Variants in ESR1 observed in about 807,000 individuals in gnomAD.
ESR1 encodes the protein estrogen receptor.
ESR1 carries 12 observed loss-of-function variants against 52.7 expected under a neutral mutation model. The observed-to-expected ratio is 0.23, with a 90% CI of 0.15 to 0.37. The LOEUF is 0.37. ESR1 is among the 10% of genes least tolerant of loss of function. The pLI is 1.00. For synonymous variants in ESR1, 305 were observed against 316.8 expected, an observed-to-expected ratio of 0.96 and a Z score of 0.39; for missense variants, 584 against 779.7, an observed-to-expected ratio of 0.75 and a Z score of 2.99.
At chr6:152,082,941 C>T (rs987430542) in intron 6 of ESR1, among the ~76,000 whole-genome samples, 1 of 152,116 alleles carries the variant, frequency 6.6e-6, no homozygotes, top group African/African-American at 2.4e-5. Flanking sequence ...GAACTACAAA[C>T]CACTGCTCAA....
chr6:152,019,057 G>A (rs867906843), intron 5 of ESR1, among the ~76,000 whole-genome samples: 1 of 152,078 alleles, frequency 6.6e-6, no homozygotes, highest in African/African-American at 2.4e-5. Flanking sequence ...AAAGTCTTTG[G>A]TTTATTGCCC....
intron 3 of ESR1, among the ~76,000 whole-genome samples, chr6:151,930,111 A>C (rs1584292015): frequency 6.6e-6 from 1 of 151,418 alleles, no homozygotes; most frequent in Admixed American, 6.6e-5. Context: ...AGTCTCCCGA[A>C]TAGCTGGAAT....
intron 3 of ESR1, among the ~76,000 whole-genome samples, chr6:151,885,515 C>T (rs1051823646): frequency 3.3e-5 from 5 of 152,208 alleles, no homozygotes; most frequent in Admixed American, 3.3e-4. Context: ...TGCTGAACAA[C>T]CTTGTTAAAG....
At chr6:152,005,097 G>C (rs1432957549) in intron 4 of ESR1, among the ~76,000 whole-genome samples, 2 of 152,014 alleles carry the variant, frequency 1.3e-5, no homozygotes, top group African/African-American at 2.4e-5. Flanking sequence ...CAAATAGACA[G>C]CAGCAAACAT....
At chr6:151,758,881 T>C (rs192138737) in intron 2 of ESR1, among the ~76,000 whole-genome samples, 1 of 152,104 alleles carries the variant, frequency 6.6e-6, no homozygotes, top group Non-Finnish European at 1.5e-5. Flanking sequence ...TCTCCTAGTC[T>C]CTTTCCAGTG....
intron 1 of ESR1, among the ~76,000 whole-genome samples, chr6:151,835,447 G>A (rs962060732): frequency 6.6e-6 from 1 of 152,200 alleles, no homozygotes; most frequent in Admixed American, 6.5e-5. Context: ...GCTGGAGAAA[G>A]AAAATACTGC....
At chr6:152,029,468 C>A (rs998976774) in intron 5 of ESR1, among the ~76,000 whole-genome samples, 14 of 152,198 alleles carry the variant, frequency 9.2e-5, no homozygotes, top group African/African-American at 3.4e-4. Flanking sequence ...AGCTGACAAC[C>A]AAGGCACAAG....
chr6:151,750,318 G>A (rs1783807898), intron 2 of ESR1, among the ~76,000 whole-genome samples: 2 of 152,084 alleles, frequency 1.3e-5, no homozygotes, highest in Admixed American at 6.6e-5. Context: ...CCTGATAATC[G>A]ATGCTGTGTA....
chr6:152,082,531 C>A (rs1007346166), intron 6 of ESR1, among the ~76,000 whole-genome samples: 5 of 152,198 alleles, frequency 3.3e-5, no homozygotes, highest in African/African-American at 1.2e-4. Flanking sequence ...AACCTGGAAG[C>A]ATTCCTTTTG....
intron 3 of ESR1, among the ~76,000 whole-genome samples, chr6:151,916,701 C>T (rs1176689600): frequency 1.3e-5 from 2 of 152,078 alleles, no homozygotes; most frequent in African/African-American, 2.4e-5. Context: ...TTTTAGGAAA[C>T]AGTCATGCTT....
chr6:152,003,655 C>T (rs1584760780), intron 4 of ESR1, among the ~76,000 whole-genome samples: 1 of 151,908 alleles, frequency 6.6e-6, no homozygotes, highest in Admixed American at 6.6e-5. Context: ...AAAACCTTTT[C>T]TTGTTACCAA....
Position 151,715,103 on chromosome 6 carries a change from T to A in ESR1, c.-71+13098T>A, listed in dbSNP as rs568365367. Among the ~76,000 whole-genome samples the A allele has an allele frequency of 1.8e-4, 27 of 152,334 alleles. 1 individual carries two copies. The South Asian group carries it at 5.6e-3, about 32-fold the overall frequency. ...TTTCTCTTTCACTTATGAAGCTTAG[T>A]TTGGCTGGATATGAAATTCTAGGTT... is the stretch of plus-strand genomic sequence containing the variant. On this transcript the variant is annotated intron_variant, in intron 2 of 2. Transcript: ENST00000404742.
rs891119376 is a variant in ESR1 at position 152,002,204 on chromosome 6, G to A, written c.1097-9452G>A. Among the ~76,000 whole-genome samples, 49 of 151,560 alleles carry A rather than the reference G, an allele frequency of 3.2e-4. 1 individual carries two copies. The highest frequency in any genetic ancestry group is 1.2e-3 in the African/African-American group (48 of 41,250). ...AAATCAAGTGTGTGTGTGTGTGTGT[G>A]TGTGTGTGTGTGTGTGTGGAATATC... is the stretch of plus-strand genomic sequence containing the variant. On this transcript the variant is annotated intron_variant, in intron 4 of 7. Coordinates refer to ENST00000206249, the MANE Select transcript of ESR1 (RefSeq NM_000125.4).
intron 7 of ESR1, among the ~76,000 whole-genome samples, chr6:152,095,352 G>A (rs1366560199): frequency 6.6e-6 from 1 of 152,102 alleles, no homozygotes; most frequent in East Asian, 1.9e-4. Flanking sequence ...ATGAGTCATC[G>A]GGGGGAGGTT....
intron 2 of ESR1, among the ~76,000 whole-genome samples, chr6:151,771,477 C>T (rs1014161021): frequency 1.1e-4 from 16 of 152,172 alleles, no homozygotes; most frequent in African/African-American, 3.9e-4. Flanking sequence ...GGCAGGCTGG[C>T]CGCCGGTGTT....
intron 3 of ESR1, among the ~76,000 whole-genome samples, chr6:151,916,724 G>A (rs1209117103): frequency 6.6e-6 from 1 of 152,026 alleles, no homozygotes; most frequent in Non-Finnish European, 1.5e-5. Flanking sequence ...TAAACCCAGG[G>A]ATTTCTATTA....
intron 1 of ESR1, among the ~76,000 whole-genome samples, chr6:151,816,396 C>T (rs1347614287): frequency 6.6e-6 from 1 of 152,182 alleles, no homozygotes; most frequent in African/African-American, 2.4e-5. Context: ...CTGTGTGCCT[C>T]AGTTTCCTAA....
At chr6:151,899,953 T>TG (rs1395350847) in intron 3 of ESR1, among the ~76,000 whole-genome samples, 1 of 145,496 alleles carries the variant, frequency 6.9e-6, no homozygotes, top group Non-Finnish European at 1.5e-5. Flanking sequence ...TCCCAGACGA[T>TG]GGCGGCCAGG....
intron 2 of ESR1, among the ~76,000 whole-genome samples, chr6:151,780,612 T>G (rs1447571912): frequency 6.6e-6 from 1 of 152,168 alleles, no homozygotes; most frequent in African/African-American, 2.4e-5. Flanking sequence ...GATTGAAAAA[T>G]GCTGGACTTT....
Sources: gnomAD v4.1 joint callset for allele counts (sites outside exome capture counted in the v4.1 genomes callset) on GRCh38, gnomAD v4.1.1 for gene constraint, MANE v1.5 for transcripts, NCBI Gene and HGNC (gene_info 2026-07-23, HGNC 2026-07-21) for gene names.